Variants in CNTN4 observed in about 807,000 individuals in gnomAD.
CNTN4 encodes contactin 4, also known as contactin-4.
In CNTN4, 77 loss-of-function variants were observed where a neutral mutation model predicts 122.5. The ratio of observed to expected loss-of-function variants is 0.63; its 90% CI spans 0.52 to 0.76. The LOEUF (loss-of-function observed/expected upper bound fraction) is 0.76, where lower values mean the gene tolerates loss of function less well. Ranked by LOEUF, CNTN4 falls within the 30% of genes least tolerant of loss-of-function variation. The pLI is 0.00. For missense variants in CNTN4, 1,256 were observed against 1,259.1 expected (o/e 1.00, Z 0.04); for synonymous variants, 512 against 447.0 (o/e 1.15, Z -1.83).
At chr3:2,316,282 T>C (rs1235749021) in intron 2 of CNTN4, among the ~76,000 whole-genome samples, 3 of 152,068 alleles carry the variant, frequency 2.0e-5, no homozygotes, top group African/African-American at 7.2e-5. Context: ...AATTCATCTG[T>C]CTGACAATAA....
chr3:2,762,708 G>A (rs2090645410), intron 6 of CNTN4, among the ~76,000 whole-genome samples: 2 of 152,056 alleles, frequency 1.3e-5, no homozygotes, highest in Non-Finnish European at 1.5e-5. Context: ...GGGAATGCTG[G>A]GTCGAATGAC....
At chr3:2,415,464 C>A (rs1215459193) in intron 3 of CNTN4, among the ~76,000 whole-genome samples, 1 of 152,074 alleles carries the variant, frequency 6.6e-6, no homozygotes, top group African/African-American at 2.4e-5. Flanking sequence ...CAGGTGTGGG[C>A]AATTGTTGGG....
chr3:2,761,832 T>C (rs2090605874), intron 6 of CNTN4, among the ~76,000 whole-genome samples: 1 of 152,190 alleles, frequency 6.6e-6, no homozygotes, highest in African/African-American at 2.4e-5. Context: ...GGGATTATTA[T>C]TAATTAATTA....
chr3:2,291,386 A>G (rs1310715590), intron 2 of CNTN4, among the ~76,000 whole-genome samples: 2 of 152,194 alleles, frequency 1.3e-5, no homozygotes, highest in Non-Finnish European at 2.9e-5. Flanking sequence ...TAAAAATGAC[A>G]AATAAATTTT....
chr3:2,310,193 A>T (rs1145052), intron 2 of CNTN4, among the ~76,000 whole-genome samples: 50,665 of 151,966 alleles, frequency 0.33, 9,551 homozygotes, highest in East Asian at 0.52. Context: ...ACAGCAACAG[A>T]CAAATGACTT....
At chr3:2,213,495 C>T (rs1439252652) in intron 2 of CNTN4, among the ~76,000 whole-genome samples, 1 of 139,342 alleles carries the variant, frequency 7.2e-6, no homozygotes, top group African/African-American at 2.7e-5. Flanking sequence ...AAATAAAAAG[C>T]TGGAATGTGA....
At chr3:2,723,290 A>G (rs1316124162) in intron 4 of CNTN4, among the ~76,000 whole-genome samples, 1 of 152,202 alleles carries the variant, frequency 6.6e-6, no homozygotes, top group African/African-American at 2.4e-5. Context: ...ACTCGCCTCA[A>G]AAAGTGGGGT....
intron 13 of CNTN4, among the ~76,000 whole-genome samples, chr3:2,971,275 G>A (rs762253627): frequency 7.2e-5 from 11 of 152,078 alleles, no homozygotes; most frequent in African/African-American, 2.2e-4. Flanking sequence ...GTTCAGACCC[G>A]TGTATTTCAA....
chr3:2,199,292 C>A (rs539622899), intron 2 of CNTN4, among the ~76,000 whole-genome samples: 49 of 152,230 alleles, frequency 3.2e-4, no homozygotes, highest in African/African-American at 1.2e-3. Flanking sequence ...TATGTTCCTA[C>A]CACTATTCTG....
At chr3:2,715,740 T>C (rs556469701) in intron 4 of CNTN4, among the ~76,000 whole-genome samples, 55 of 152,350 alleles carry the variant, frequency 3.6e-4, no homozygotes, top group African/African-American at 1.3e-3. Context: ...CTTTTTGCCG[T>C]GTCCTCACAT....
At chr3:2,549,333 G>T (rs1382359349) in intron 3 of CNTN4, among the ~76,000 whole-genome samples, 1 of 152,122 alleles carries the variant, frequency 6.6e-6, no homozygotes, top group African/African-American at 2.4e-5. Context: ...ATTGCCTGTG[G>T]GTTTGTCATA....
chr3:2,518,012 T>G (rs1206192765), intron 3 of CNTN4, among the ~76,000 whole-genome samples: 3 of 152,122 alleles, frequency 2.0e-5, no homozygotes, highest in Non-Finnish European at 2.9e-5. Context: ...AGAGTCCCCC[T>G]CCCCTACCTC....
chr3:2,734,242 G>A (rs984795760), intron 4 of CNTN4, among the ~76,000 whole-genome samples: 4 of 151,966 alleles, frequency 2.6e-5, no homozygotes. Context: ...TTAATTTTTG[G>A]TAGAGATAGG....
chr3:2,694,928 A>G (rs17018764), intron 4 of CNTN4, among the ~76,000 whole-genome samples: 2,593 of 152,270 alleles, frequency 0.017, 91 homozygotes, highest in African/African-American at 0.06. Context: ...AAGGCTTATA[A>G]ATGAACCGTT....
intron 4 of CNTN4, among the ~76,000 whole-genome samples, chr3:2,594,209 A>G (rs2080646664): frequency 8.0e-6 from 1 of 125,064 alleles, no homozygotes; most frequent in South Asian, 3.0e-4. Context: ...AGTAATGTTG[A>G]ACACAATTTT....
intron 4 of CNTN4, among the ~76,000 whole-genome samples, chr3:2,656,607 A>G (rs12493955): frequency 0.15 from 22,507 of 152,240 alleles, 1,731 homozygotes; most frequent in Admixed American, 0.2. Flanking sequence ...TTAATGAATG[A>G]ATACATTGTG....
At chr3:2,893,987 C>T (rs915980221) in intron 10 of CNTN4, among the ~76,000 whole-genome samples, 2 of 152,038 alleles carry the variant, frequency 1.3e-5, no homozygotes, top group Non-Finnish European at 2.9e-5. Context: ...GAGAATTTAA[C>T]TTAGAACTTA....
intron 2 of CNTN4, among the ~76,000 whole-genome samples, chr3:2,297,596 TA>T (rs2042360826): frequency 6.6e-6 from 1 of 152,234 alleles, no homozygotes; most frequent in Admixed American, 6.5e-5. Flanking sequence ...AAATACTGTA[TA>T]TTTTTCTTAC....
At chr3:2,211,738 G>T (rs998222606) in intron 2 of CNTN4, among the ~76,000 whole-genome samples, 2 of 151,976 alleles carry the variant, frequency 1.3e-5, no homozygotes, top group African/African-American at 4.8e-5. Context: ...TCTTCCACAT[G>T]GCCAGCCGTG....
Sources: gnomAD v4.1 joint callset for allele counts (sites outside exome capture counted in the v4.1 genomes callset) on GRCh38, gnomAD v4.1.1 for gene constraint, MANE v1.5 for transcripts, NCBI Gene and HGNC (gene_info 2026-07-23, HGNC 2026-07-21) for gene names.